The following DLGAP1 variants were observed in gnomAD, a reference collection of about 807,000 sequenced individuals.
DLGAP1 encodes disks large-associated protein 1.
A neutral mutation model predicts 90.8 loss-of-function variants in DLGAP1; 11 were observed. The ratio of observed to expected loss-of-function variants is 0.12; its 90% confidence interval spans 0.08 to 0.20. DLGAP1 has a LOEUF of 0.20. Ranked by LOEUF, DLGAP1 falls within the 10% of genes least tolerant of loss-of-function variation. DLGAP1 has a pLI of 1.00. For synonymous variants in DLGAP1, 558 were observed against 540.7 expected, an observed-to-expected ratio of 1.03 and a Z score of -0.44; for missense variants, 1,050 against 1,333.8, an observed-to-expected ratio of 0.79 and a Z score of 3.31.
intron 1 of DLGAP1, among the ~76,000 whole-genome samples, chr18:4,192,835 T>C (rs1245453122): frequency 1.3e-5 from 2 of 152,096 alleles, no homozygotes; most frequent in Non-Finnish European, 2.9e-5. Flanking sequence ...GGGGGGAATT[T>C]AGGATATGTT....
At chr18:3,935,586 G>A (rs1211871532) in intron 3 of DLGAP1, among the ~76,000 whole-genome samples, 1 of 152,188 alleles carries the variant, frequency 6.6e-6, no homozygotes, top group African/African-American at 2.4e-5. Context: ...AAGAAGACAT[G>A]TGCAGTGGTC....
intron 8 of DLGAP1, among the ~76,000 whole-genome samples, chr18:3,572,805 T>C (rs984338179): frequency 6.6e-6 from 1 of 152,224 alleles, no homozygotes; most frequent in Admixed American, 6.5e-5. Flanking sequence ...GAATGGCTTC[T>C]GATTTTTACC....
chr18:3,895,423 G>A (rs2071597339), intron 3 of DLGAP1, among the ~76,000 whole-genome samples: 1 of 151,896 alleles, frequency 6.6e-6, no homozygotes, highest in African/African-American at 2.4e-5. Flanking sequence ...TCTGTATTAT[G>A]TAAAATATGT....
intron 5 of DLGAP1, among the ~76,000 whole-genome samples, chr18:3,763,725 G>A (rs1328281789): frequency 6.6e-6 from 1 of 151,040 alleles, no homozygotes; most frequent in Non-Finnish European, 1.5e-5. Context: ...GTGCAATGGC[G>A]TGATCTCGTC....
At chr18:4,442,518 G>A (rs539821554) in intron 1 of DLGAP1, among the ~76,000 whole-genome samples, 2 of 152,208 alleles carry the variant, frequency 1.3e-5, no homozygotes, top group Non-Finnish European at 2.9e-5. Flanking sequence ...ATAATGCAAC[G>A]CAGTAGATTA....
At chr18:4,292,503 T>C (rs1447577440) in intron 1 of DLGAP1, among the ~76,000 whole-genome samples, 1 of 152,134 alleles carries the variant, frequency 6.6e-6, no homozygotes, top group African/African-American at 2.4e-5. Flanking sequence ...TCTTACAACA[T>C]CACATTTTAA....
rs1181659902 is a variant in DLGAP1, at chr18:4,454,431, CCTGT to C, written c.-267+571_-267+574del. Among the ~76,000 whole-genome samples, 1 of 97,304 alleles carries C rather than the reference CCTGT, an allele frequency of 1.0e-5. No homozygotes were observed. Among genetic ancestry groups the C allele is most frequent in the Non-Finnish European group, 2.4e-5 (1 of 41,114 alleles). 63.8% of individuals were successfully genotyped at this position (97,304 alleles called of 152,430 possible). ...TTCTCTCTCTCTCTCTCTCTCTGTG[CCTGT>C]CTTTGTGTCTCTGTTTCTTTGGCTT... On this transcript the variant is annotated intron_variant, in intron 1 of 12. Transcript: ENST00000315677. This position sits in a 1 kb window ranked among gnomAD's most constrained non-coding sequence, Gnocchi z 4.7.
chr18:4,144,933 T>C (rs1158942674), intron 2 of DLGAP1, among the ~76,000 whole-genome samples: 1 of 152,202 alleles, frequency 6.6e-6, no homozygotes, highest in Non-Finnish European at 1.5e-5. Flanking sequence ...TACTCAAATA[T>C]GTGATTTGTA....
chr18:3,991,027 C>T (rs2073956783), intron 3 of DLGAP1, among the ~76,000 whole-genome samples: 4 of 151,782 alleles, frequency 2.6e-5, no homozygotes, highest in Admixed American at 2.0e-4. Flanking sequence ...GGTACATGAG[C>T]AGGTTTGTTA....
chr18:4,320,966 AAT>A (rs1421109765), intron 1 of DLGAP1, among the ~76,000 whole-genome samples: 2 of 152,218 alleles, frequency 1.3e-5, no homozygotes, highest in African/African-American at 4.8e-5. Flanking sequence ...AGGATGGAAA[AAT>A]AGACATTTTT....
At chr18:4,269,482 T>G (rs1158382121) in intron 1 of DLGAP1, among the ~76,000 whole-genome samples, 1 of 151,302 alleles carries the variant, frequency 6.6e-6, no homozygotes, top group Non-Finnish European at 1.5e-5. Context: ...GCCTCCCGAG[T>G]AGCTGGGACT....
chr18:3,637,412 C>T (rs1264205552), intron 7 of DLGAP1, among the ~76,000 whole-genome samples: 1 of 151,900 alleles, frequency 6.6e-6, no homozygotes, highest in Non-Finnish European at 1.5e-5. Flanking sequence ...GTAGCACTTT[C>T]CTATATCTAC....
At chr18:4,433,845 G>C (rs1174470181) in intron 1 of DLGAP1, among the ~76,000 whole-genome samples, 1 of 152,054 alleles carries the variant, frequency 6.6e-6, no homozygotes, top group Non-Finnish European at 1.5e-5. Context: ...AAAAGAGAAA[G>C]CTCTGCCAAA....
intron 2 of DLGAP1, among the ~76,000 whole-genome samples, chr18:4,067,325 A>C (rs1171353938): frequency 6.6e-6 from 1 of 152,014 alleles, no homozygotes; most frequent in Non-Finnish European, 1.5e-5. Flanking sequence ...CCTGAACTTA[A>C]ATAAAAGTAA....
intron 7 of DLGAP1, among the ~76,000 whole-genome samples, chr18:3,685,090 T>TA (rs2060650468): frequency 6.6e-6 from 1 of 152,210 alleles, no homozygotes; most frequent in Non-Finnish European, 1.5e-5. Context: ...CATTACCTTG[T>TA]AAAAAATAAG....
At chr18:3,712,620 G>A (rs921245541) in intron 7 of DLGAP1, among the ~76,000 whole-genome samples, 1 of 152,216 alleles carries the variant, frequency 6.6e-6, no homozygotes, top group East Asian at 1.9e-4. Context: ...ACAATATGGT[G>A]CGTGAAATGG....
chr18:3,665,557 T>C (rs2059848975), intron 7 of DLGAP1, among the ~76,000 whole-genome samples: 1 of 152,230 alleles, frequency 6.6e-6, no homozygotes, highest in African/African-American at 2.4e-5. Context: ...GCCCTTGTAA[T>C]TTCCATTTCA....
At chr18:4,087,119 C>G (rs1434442548) in intron 2 of DLGAP1, among the ~76,000 whole-genome samples, 1 of 135,998 alleles carries the variant, frequency 7.4e-6, no homozygotes, top group African/African-American at 2.9e-5. Context: ...TATATATACA[C>G]ACACACATTC....
rs181263850 is a variant in DLGAP1, at chr18:4,443,878, G to A, written c.-267+11128C>T. 2.7e-3 allele frequency among the ~76,000 whole-genome samples: 406 copies of A among 152,272 alleles called. 4 individuals are homozygous for A. Among genetic ancestry groups the A allele is most frequent in the Non-Finnish European group, 4.1e-3 (278 of 68,010 alleles). On this transcript the variant is annotated intron_variant, in intron 1 of 12. Transcript: ENST00000315677. The stretch of plus-strand genomic sequence containing the variant: ...AATACTGTGTTACCGTAACAATAAA[G>A]AAAACTACAAAACCCAAATTACTTG...
Sources: gnomAD v4.1 joint callset for allele counts (sites outside exome capture counted in the v4.1 genomes callset) on GRCh38, gnomAD v4.1.1 for gene constraint, Gnocchi (gnomAD v3.1) non-coding constraint, MANE v1.5 for transcripts, NCBI Gene and HGNC (gene_info 2026-07-23, HGNC 2026-07-21) for gene names.